The following IMMP2L variants were observed in gnomAD, a reference collection of about 807,000 sequenced individuals.
IMMP2L encodes mitochondrial inner membrane protease subunit 2.
A neutral mutation model predicts 19.3 loss-of-function variants in IMMP2L; 18 were observed. The observed-to-expected ratio is 0.93, with a 90% CI of 0.64 to 1.38. IMMP2L has a LOEUF of 1.38. Among genes scored for constraint, IMMP2L ranks in the 40% most tolerant of loss-of-function variants. The probability of loss-of-function intolerance (pLI) is 0.00; values close to 1 mark genes in which losing one functional copy is unlikely to be tolerated. For synonymous variants in IMMP2L, 76 were observed against 73.0 expected, an observed-to-expected ratio of 1.04 and a Z score of -0.21; for missense variants, 233 against 218.2, an observed-to-expected ratio of 1.07 and a Z score of -0.43.
At chr7:110,871,026 C>T (rs1452497604) in intron 5 of IMMP2L, among the ~76,000 whole-genome samples, 2 of 152,018 alleles carry the variant, frequency 1.3e-5, no homozygotes, top group Admixed American at 1.3e-4. Context: ...TGGAATAAAG[C>T]ACGTGACTCT....
intron 3 of IMMP2L, among the ~76,000 whole-genome samples, chr7:111,446,990 G>A (rs1838538830): frequency 6.7e-6 from 1 of 149,286 alleles, no homozygotes; most frequent in Non-Finnish European, 1.5e-5. Context: ...AATGAAGCGA[G>A]AAGGGAAGTT....
At chr7:110,945,089 T>G (rs1272701801) in intron 4 of IMMP2L, among the ~76,000 whole-genome samples, 1 of 151,866 alleles carries the variant, frequency 6.6e-6, no homozygotes, top group Non-Finnish European at 1.5e-5. Context: ...GGCAACGGTA[T>G]GCAAAACGTT....
chr7:111,397,835 G>GC (rs1369787933), intron 3 of IMMP2L, among the ~76,000 whole-genome samples: 2 of 151,838 alleles, frequency 1.3e-5, no homozygotes, highest in African/African-American at 4.8e-5. Context: ...ATCATTTCAT[G>GC]TTTTTTTGAC....
intron 3 of IMMP2L, among the ~76,000 whole-genome samples, chr7:111,420,063 A>C (rs1223720526): frequency 6.6e-6 from 1 of 151,996 alleles, no homozygotes; most frequent in Non-Finnish European, 1.5e-5. Flanking sequence ...CTGTACACTT[A>C]AAGATGGTTA....
chr7:111,451,871 C>T, intron 3 of IMMP2L, among the ~76,000 whole-genome samples: 1 of 151,864 alleles, frequency 6.6e-6, no homozygotes, highest in East Asian at 1.9e-4. Flanking sequence ...TGCAAGAAAT[C>T]AATATATACT....
chr7:110,786,688 A>G (rs1584824528), intron 5 of IMMP2L, among the ~76,000 whole-genome samples: 1 of 152,192 alleles, frequency 6.6e-6, no homozygotes, highest in African/African-American at 2.4e-5. Flanking sequence ...CGAACAATTA[A>G]TGAGATTCAT....
At chr7:111,238,671 T>C (rs1390389274) in intron 3 of IMMP2L, among the ~76,000 whole-genome samples, 1 of 152,008 alleles carries the variant, frequency 6.6e-6, no homozygotes, top group African/African-American at 2.4e-5. Context: ...TGCATGAGGA[T>C]AGCTGTTATG....
chr7:110,712,964 C>T (rs948025141), intron 5 of IMMP2L, among the ~76,000 whole-genome samples: 10 of 151,408 alleles, frequency 6.6e-5, no homozygotes, highest in Non-Finnish European at 1.5e-4. Context: ...AGAAATCACC[C>T]GTCTTCTGCG....
intron 3 of IMMP2L, among the ~76,000 whole-genome samples, chr7:111,005,858 C>A (rs1824230140): frequency 6.6e-6 from 1 of 152,140 alleles, no homozygotes; most frequent in African/African-American, 2.4e-5. Flanking sequence ...TCTTCATAAT[C>A]AATCATTCTT....
At chr7:110,742,009 C>T (rs7781323) in intron 5 of IMMP2L, among the ~76,000 whole-genome samples, 11,041 of 152,152 alleles carry the variant, frequency 0.073, 761 homozygotes, top group African/African-American at 0.17. Context: ...AAGTCTATGT[C>T]CACTTAGGTT....
At chr7:111,124,440 C>T (rs1801037209) in intron 3 of IMMP2L, 1 of 1,613,640 alleles carries the variant, frequency 6.2e-7, no homozygotes, top group Non-Finnish European at 8.5e-7. Context: ...AATGGACAGC[C>T]TTTGTCAAGA....
intron 3 of IMMP2L, among the ~76,000 whole-genome samples, chr7:111,343,147 A>C (rs1827191107): frequency 6.6e-6 from 1 of 152,062 alleles, no homozygotes. Flanking sequence ...ATCCCTTTCC[A>C]ATCTATTATT....
intron 3 of IMMP2L, among the ~76,000 whole-genome samples, chr7:111,185,520 A>C (rs1274582350): frequency 1.3e-5 from 2 of 152,168 alleles, no homozygotes; most frequent in Non-Finnish European, 2.9e-5. Flanking sequence ...GGTTGTGAGC[A>C]TATTACCTCA....
At chr7:111,557,254 A>C (rs1791474082) in intron 1 of IMMP2L, among the ~76,000 whole-genome samples, 1 of 152,028 alleles carries the variant, frequency 6.6e-6, no homozygotes, top group African/African-American at 2.4e-5. Context: ...TCTACCCAGC[A>C]CACTGCTTTC....
intron 3 of IMMP2L, among the ~76,000 whole-genome samples, chr7:111,035,957 C>A (rs559659504): frequency 9.9e-4 from 151 of 152,244 alleles, no homozygotes; most frequent in African/African-American, 3.5e-3. Context: ...ACAGTACTTA[C>A]CTCACAAAGT....
At chr7:110,883,567 T>C (rs1033608601) in intron 5 of IMMP2L, among the ~76,000 whole-genome samples, 3 of 152,166 alleles carry the variant, frequency 2.0e-5, no homozygotes, top group South Asian at 2.1e-4. Flanking sequence ...TATTCAGTTA[T>C]GTTTCATATT....
At chr7:111,007,729 A>ATG (rs146758481) in intron 3 of IMMP2L, among the ~76,000 whole-genome samples, 27 of 151,256 alleles carry the variant, frequency 1.8e-4, no homozygotes, top group African/African-American at 2.9e-4. Flanking sequence ...ATATATATGC[A>ATG]TGTGTGTGTG....
chr7:111,223,904 G>A (rs1033643253), intron 3 of IMMP2L, among the ~76,000 whole-genome samples: 3 of 152,078 alleles, frequency 2.0e-5, no homozygotes, highest in Admixed American at 2.0e-4. Flanking sequence ...TCAACAGCCT[G>A]TGCAGGCATC....
At chr7:110,781,823 A>G (rs1352011797) in intron 5 of IMMP2L, among the ~76,000 whole-genome samples, 1 of 151,954 alleles carries the variant, frequency 6.6e-6, no homozygotes, top group African/African-American at 2.4e-5. Flanking sequence ...TTTAATAACA[A>G]AAAGTACATA....
Sources: gnomAD v4.1 joint callset for allele counts (sites outside exome capture counted in the v4.1 genomes callset) on GRCh38, gnomAD v4.1.1 for gene constraint, MANE v1.5 for transcripts, NCBI Gene and HGNC (gene_info 2026-07-23, HGNC 2026-07-21) for gene names.